MSI2: variants seen among roughly 807,000 people sequenced by gnomAD.
MSI2 encodes RNA-binding protein Musashi homolog 2.
In MSI2, 17 loss-of-function variants were observed where a neutral mutation model predicts 45.6. That is an observed-to-expected ratio of 0.37 (90% CI 0.26 to 0.56). The LOEUF (loss-of-function observed/expected upper bound fraction) is 0.56. Among genes scored for constraint, MSI2 ranks in the 20% least tolerant of loss-of-function variants. MSI2 has a pLI of 0.77. For missense variants in MSI2, 293 were observed against 444.2 expected, an observed-to-expected ratio of 0.66 and a Z score of 3.06; for synonymous variants, 156 against 158.2, an observed-to-expected ratio of 0.99 and a Z score of 0.11.
chr17:57,672,682 G>C (rs1425889859), intron 11 of MSI2, among the ~76,000 whole-genome samples: 1 of 152,202 alleles, frequency 6.6e-6, no homozygotes, highest in Non-Finnish European at 1.5e-5. Flanking sequence ...CATCCTATTA[G>C]CCTAAAATGG....
chr17:57,456,371 A>G (rs1226473291), intron 6 of MSI2, among the ~76,000 whole-genome samples: 1 of 152,206 alleles, frequency 6.6e-6, no homozygotes, highest in Non-Finnish European at 1.5e-5. Flanking sequence ...GCACTTTGGG[A>G]GGCCAAGGCG....
intron 5 of MSI2, among the ~76,000 whole-genome samples, chr17:57,316,322 CTTTTT>C (rs35543887): frequency 1.4e-5 from 2 of 140,270 alleles, no homozygotes; most frequent in Admixed American, 7.1e-5. Context: ...GTTATTGCTA[CTTTTT>C]TTTTTTTTTT....
intron 6 of MSI2, among the ~76,000 whole-genome samples, chr17:57,416,359 C>T (rs1041285300): frequency 2.0e-5 from 3 of 152,182 alleles, no homozygotes; most frequent in Non-Finnish European, 2.9e-5. Flanking sequence ...TAAAACACAC[C>T]TATGGGGAGA....
intron 2 of MSI2, 85 bp from the exon 3 acceptor site, chr17:57,257,381 G>T: frequency 1.2e-6 from 1 of 848,652 alleles, no homozygotes; most frequent in Admixed American, 2.7e-5. Context: ...ACTACTTTTG[G>T]ATTTTGTCCT....
intron 6 of MSI2, among the ~76,000 whole-genome samples, chr17:57,521,626 C>T (rs542643041): frequency 1.3e-5 from 2 of 152,232 alleles, no homozygotes; most frequent in East Asian, 3.9e-4. Context: ...GCAGAAGGCC[C>T]ATTAATACTC....
intron 9 of MSI2, among the ~76,000 whole-genome samples, chr17:57,619,227 A>G (rs1425201531): frequency 6.6e-6 from 1 of 152,192 alleles, no homozygotes; most frequent in African/African-American, 2.4e-5. Context: ...ACATTTCATC[A>G]TGGGAACACA....
intron 8 of MSI2, among the ~76,000 whole-genome samples, chr17:57,597,319 AT>A (rs1303969140): frequency 6.6e-6 from 1 of 151,996 alleles, no homozygotes; most frequent in Non-Finnish European, 1.5e-5. Context: ...CAAAATATTA[AT>A]TTTTTAACCA....
rs16958261 is a variant in MSI2 at position 57,352,246 on chromosome 17, A to C, written c.313-49133A>C. Among the ~76,000 whole-genome samples, 418 of 152,338 alleles carry C rather than the reference A, an allele frequency of 2.7e-3. 4 individuals carry two copies. The highest frequency in any genetic ancestry group is 9.8e-3 in the African/African-American group (407 of 41,572). On this transcript the variant is annotated intron_variant, in intron 5 of 13. Transcript: ENST00000284073. ...TTAGTGGTCTACTCTGAGGTTCACC[A>C]GTGTGTAAAGTCTTGGGCTACCATC...
At chr17:57,348,690 G>T (rs1336177849) in intron 5 of MSI2, among the ~76,000 whole-genome samples, 3 of 152,116 alleles carry the variant, frequency 2.0e-5, no homozygotes, top group African/African-American at 7.2e-5. Context: ...CAACATGCTT[G>T]TACAGCCTGA....
intron 5 of MSI2, among the ~76,000 whole-genome samples, chr17:57,277,483 T>C (rs1809416996): frequency 6.6e-6 from 1 of 152,228 alleles, no homozygotes; most frequent in Admixed American, 6.5e-5. Context: ...AATGCTGATG[T>C]GCTGAACATG....
chr17:57,553,683 G>A (rs903178118), intron 7 of MSI2, among the ~76,000 whole-genome samples: 2 of 152,284 alleles, frequency 1.3e-5, no homozygotes, highest in African/African-American at 2.4e-5. Context: ...GAGGGTGCAC[G>A]GGCAGCCCAG....
At chr17:57,497,783 G>A (rs1388265491) in intron 6 of MSI2, among the ~76,000 whole-genome samples, 8 of 152,222 alleles carry the variant, frequency 5.3e-5, no homozygotes, top group Admixed American at 2.0e-4. Flanking sequence ...TGATGCACAC[G>A]CAGGTAGTTG....
chr17:57,404,264 G>C (rs1023692174), intron 6 of MSI2, among the ~76,000 whole-genome samples: 10 of 152,208 alleles, frequency 6.6e-5, no homozygotes, highest in African/African-American at 1.9e-4. Context: ...TCCCCCTCCA[G>C]GCTTGTCTGA....
chr17:57,410,622 A>G (rs1598232758), intron 6 of MSI2, among the ~76,000 whole-genome samples: 2 of 152,060 alleles, frequency 1.3e-5, no homozygotes, highest in African/African-American at 4.8e-5. Context: ...AACCCAGCAG[A>G]GTGGTTTGTT....
intron 5 of MSI2, chr17:57,279,993 CA>C (rs1909273327): frequency 6.7e-6 from 1 of 149,198 alleles, no homozygotes; most frequent in South Asian, 2.1e-4. Context: ...TACATCCATG[CA>C]TTGGATGTTA....
rs1289340183 is a variant in MSI2 at position 57,652,844 on chromosome 17, AG to A, written c.790+684del. 9.9e-5 allele frequency among the ~76,000 whole-genome samples: 15 copies of A among 152,244 alleles called. No homozygotes were observed. The highest frequency in any genetic ancestry group is 3.4e-4 in the African/African-American group (14 of 41,470). The stretch of plus-strand genomic sequence containing the variant: ...TCAAGTGACATGGGAACACTTTCCC[AG>A]CATTATCATGGGGTCAGGCCAGAGC... On this transcript the variant is annotated intron_variant, in intron 11 of 13. Coordinates refer to ENST00000284073, the MANE Select transcript of MSI2 (RefSeq NM_138962.4). This position sits in a 1 kb window ranked among gnomAD's most constrained non-coding sequence, Gnocchi z 4.1.
Position 57,319,776 on chromosome 17 carries a change from C to T in MSI2, c.312+57584C>T, listed in dbSNP as rs148436244. 3.8e-3 allele frequency among the ~76,000 whole-genome samples: 576 copies of T among 152,172 alleles called. 6 individuals carry two copies. The highest frequency in any genetic ancestry group is 0.012 in the African/African-American group (499 of 41,512). ...CATAGGCACATGCCATCATGCCTGG[C>T]GAATTTTTGTATTTTTTTGTAGGGA... On this transcript the variant is annotated intron_variant, in intron 5 of 13. Coordinates refer to ENST00000284073, the MANE Select transcript of MSI2 (RefSeq NM_138962.4).
At chr17:57,490,806 A>G (rs1048286951) in intron 6 of MSI2, among the ~76,000 whole-genome samples, 3 of 152,224 alleles carry the variant, frequency 2.0e-5, no homozygotes, top group African/African-American at 7.2e-5. Context: ...CCCAGCTCCA[A>G]TCTTCCAGAT....
chr17:57,266,788 G>C (rs1050434723), intron 5 of MSI2: 1 of 152,236 alleles, frequency 6.6e-6, no homozygotes, highest in Non-Finnish European at 1.5e-5. Context: ...CTAAATGAAC[G>C]AACTGAGTCC....
Sources: allele counts gnomAD v4.1 joint callset (sites outside exome capture counted in the v4.1 genomes callset), GRCh38; gene constraint gnomAD v4.1.1; non-coding constraint Gnocchi (gnomAD v3.1); transcripts MANE v1.5; gene names NCBI Gene and HGNC (gene_info 2026-07-23, HGNC 2026-07-21).